The following LNX1 variants were observed in gnomAD, a reference collection of about 807,000 sequenced individuals.
LNX1 encodes E3 ubiquitin-protein ligase LNX.
A neutral mutation model predicts 68.4 loss-of-function variants in LNX1; 54 were observed. That is an observed-to-expected ratio of 0.79 (90% CI 0.63 to 0.99). The LOEUF is 0.99. Ranked by LOEUF, LNX1 falls within the 50% of genes least tolerant of loss-of-function variation. LNX1 has a pLI of 0.00. For missense variants in LNX1, 906 were observed against 926.4 expected, an observed-to-expected ratio of 0.98 and a Z score of 0.29; for synonymous variants, 336 against 350.0, an observed-to-expected ratio of 0.96 and a Z score of 0.45.
chr4:53,509,860 G>A (rs1219214451), intron 2 of LNX1, among the ~76,000 whole-genome samples: 5 of 152,126 alleles, frequency 3.3e-5, no homozygotes, highest in African/African-American at 9.7e-5. Flanking sequence ...AAACCCAGTC[G>A]CACGAGTACC....
At chr4:53,530,416 C>T (rs1218271978) in intron 2 of LNX1, among the ~76,000 whole-genome samples, 1 of 152,110 alleles carries the variant, frequency 6.6e-6, no homozygotes, top group East Asian at 1.9e-4. Context: ...TGTTTATCCT[C>T]ATTTATAATT....
chr4:53,576,728 C>T (rs569350303), intron 1 of LNX1, among the ~76,000 whole-genome samples: 2 of 152,236 alleles, frequency 1.3e-5, no homozygotes, highest in South Asian at 2.1e-4. Context: ...TTATGCTTTC[C>T]ACAAGAACAT....
chr4:53,575,834 G>A, intron 1 of LNX1: 1 of 1,589,220 alleles, frequency 6.3e-7, no homozygotes, highest in Non-Finnish European at 8.6e-7. Flanking sequence ...CAGCTACTAG[G>A]GGACCTAAAC....
chr4:53,478,189 T>C (rs889605365), intron 8 of LNX1, among the ~76,000 whole-genome samples: 2 of 152,140 alleles, frequency 1.3e-5, no homozygotes, highest in Admixed American at 6.5e-5. Flanking sequence ...ATCTAACCCA[T>C]ATAATTGAAT....
intron 4 of LNX1, 29 bp from the exon 5 acceptor site, chr4:53,498,872 G>C (rs1234647810): frequency 2.6e-6 from 4 of 1,554,878 alleles, no homozygotes; most frequent in Non-Finnish European, 3.5e-6. Context: ...GTTTATTTAA[G>C]ACACCCACCC....
chr4:53,571,810 A>C (rs908264151), intron 2 of LNX1, among the ~76,000 whole-genome samples: 1 of 152,094 alleles, frequency 6.6e-6, no homozygotes, highest in Non-Finnish European at 1.5e-5. Context: ...GCAGGCAGAC[A>C]TCACCAGGTC....
intron 1 of LNX1, among the ~76,000 whole-genome samples, chr4:53,643,046 G>A (rs908804999): frequency 3.1e-4 from 47 of 152,342 alleles, no homozygotes; most frequent in African/African-American, 1.1e-3. Flanking sequence ...TTAATAGGTT[G>A]AGCCTAGGGT....
At chr4:53,545,801 CATTTTT>C (rs1729072912) in intron 2 of LNX1, among the ~76,000 whole-genome samples, 1 of 116,800 alleles carries the variant, frequency 8.6e-6, no homozygotes, top group African/African-American at 3.2e-5. Flanking sequence ...TCAGAGGCCA[CATTTTT>C]TTTTTTTTTT....
chr4:53,564,937 C>G (rs111803323), intron 2 of LNX1, among the ~76,000 whole-genome samples: 2 of 152,278 alleles, frequency 1.3e-5, no homozygotes, highest in Middle Eastern at 6.8e-3. Context: ...TGCGCTTTTC[C>G]GACGGGCTTA....
intron 2 of LNX1, among the ~76,000 whole-genome samples, chr4:53,520,207 C>T (rs76659636): frequency 2.0e-5 from 3 of 152,286 alleles, no homozygotes; most frequent in East Asian, 3.9e-4. Flanking sequence ...GCAACCCCTG[C>T]GGGTCCAAAC....
intron 2 of LNX1, among the ~76,000 whole-genome samples, chr4:53,536,268 A>C (rs1353091566): frequency 6.6e-6 from 1 of 152,160 alleles, no homozygotes; most frequent in Non-Finnish European, 1.5e-5. Flanking sequence ...AATACCTAAC[A>C]ATTTCTTCCA....
At position 53,498,632 on chromosome 4, in the gene LNX1, A is replaced by T; in HGVS notation, c.978+9T>A. 1 of 1,610,852 alleles carries T rather than the reference A, an allele frequency of 6.2e-7. No individual in the cohort carries two copies. Among genetic ancestry groups the T allele is most frequent in the Non-Finnish European group, 8.5e-7 (1 of 1,177,062 alleles). ...CCCCTTGCTGCAGCCCCACAGCCAC[A>T]GTCTCTACCTTTAGAATGATGTCTC... On this transcript the variant is annotated intron_variant, in intron 5 of 10. Coordinates refer to ENST00000263925, the MANE Select transcript of LNX1 (RefSeq NM_001126328.3).
Position 53,508,078 on chromosome 4 carries a change from G to C in LNX1, c.530C>G (p.Pro177Arg). 2 of 1,614,176 alleles carry C rather than the reference G, an allele frequency of 1.2e-6. No individual in the cohort carries two copies. The highest frequency in any genetic ancestry group is 1.7e-6 in the Non-Finnish European group (2 of 1,180,040). ...AATISLMTDE[P>R]GLDNPAYVSS... ...CACGTAGGCAGGGTTGTCTAGGCCAGGCTCGTCTGTCATTAAGGAGATGGT... is the reference window on the plus strand; with the variant it reads ...CACGTAGGCAGGGTTGTCTAGGCCACGCTCGTCTGTCATTAAGGAGATGGT... Residue 177 changes from proline to arginine, a missense_variant, in exon 3 of 11, where the codon CCT (proline) becomes CGT (arginine). Coordinates refer to ENST00000263925, the MANE Select transcript of LNX1 (RefSeq NM_001126328.3).
intron 2 of LNX1, among the ~76,000 whole-genome samples, chr4:53,602,390 G>A (rs1032325593): frequency 6.6e-5 from 10 of 152,198 alleles, no homozygotes; most frequent in African/African-American, 2.4e-4. Context: ...AAGGTTAGGT[G>A]GAACTGTACC....
Position 53,478,673 on chromosome 4 carries a change from CGA to C in LNX1, c.1553_1554del (p.Leu518ArgfsTer11). ...GATGCTCCCCCTGCGACGGTCATGC[CGA>C]GAGATTCACCGGGGTCTTTTTGGAT... ...VNIQKDPGES[L>X]GMTVAGGASH... On this transcript the variant is annotated frameshift_variant, in exon 8 of 11. Transcript: ENST00000263925. LOFTEE classifies it high-confidence loss of function. 1 of 1,614,088 alleles carries C rather than the reference CGA, an allele frequency of 6.2e-7. No homozygotes were observed. The highest frequency in any genetic ancestry group is 8.5e-7 in the Non-Finnish European group (1 of 1,179,992).
intron 2 of LNX1, among the ~76,000 whole-genome samples, chr4:53,530,601 A>G (rs1727946349): frequency 6.6e-6 from 1 of 152,218 alleles, no homozygotes; most frequent in Non-Finnish European, 1.5e-5. Context: ...GTATTTTTAA[A>G]ATCTCTTACT....
intron 6 of LNX1, among the ~76,000 whole-genome samples, chr4:53,487,538 G>A (rs1250685002): frequency 5.3e-5 from 8 of 152,126 alleles, no homozygotes; most frequent in Admixed American, 4.6e-4. Context: ...ATGCCCCAGG[G>A]TATTATTCTA....
chr4:53,493,285 C>G (rs550970471), intron 6 of LNX1, among the ~76,000 whole-genome samples: 11 of 152,304 alleles, frequency 7.2e-5, no homozygotes, highest in African/African-American at 2.4e-4. Context: ...CCTCTTCTAA[C>G]TCTGGTTTTG....
chr4:53,614,148 A>G (rs932855620), intron 2 of LNX1, among the ~76,000 whole-genome samples: 1 of 152,168 alleles, frequency 6.6e-6, no homozygotes, highest in African/African-American at 2.4e-5. Flanking sequence ...TCCTTTGCTC[A>G]CTTTTTAATG....
Sources: gnomAD v4.1 joint callset for allele counts (sites outside exome capture counted in the v4.1 genomes callset) on GRCh38, gnomAD v4.1.1 for gene constraint, MANE v1.5 for transcripts, NCBI Gene and HGNC (gene_info 2026-07-23, HGNC 2026-07-21) for gene names.